PTPRQ: variants seen among roughly 807,000 people sequenced by gnomAD.
PTPRQ encodes the protein protein tyrosine phosphatase receptor type Q, also known as phosphatidylinositol phosphatase PTPRQ.
PTPRQ carries 199 observed loss-of-function variants against 246.0 expected under a neutral mutation model. The observed-to-expected ratio is 0.81, with a 90% CI of 0.72 to 0.91. The LOEUF (loss-of-function observed/expected upper bound fraction) is 0.91. Among genes scored for constraint, PTPRQ ranks in the 40% least tolerant of loss-of-function variants. The pLI is 0.00. For synonymous variants in PTPRQ, 869 were observed against 853.2 expected, an observed-to-expected ratio of 1.02 and a Z score of -0.32; for missense variants, 2,624 against 2,528.4, an observed-to-expected ratio of 1.04 and a Z score of -0.81.
At chr12:80,461,044 T>A in intron 6 of PTPRQ, 142 bp downstream of exon 6, 1 of 386,568 alleles carries the variant, frequency 2.6e-6, no homozygotes, top group Non-Finnish European at 4.6e-6. Context: ...CCATCAAGGG[T>A]TTCTTCGAAT....
intron 3 of PTPRQ, among the ~76,000 whole-genome samples, chr12:80,455,598 T>G (rs993956312): frequency 2.0e-5 from 3 of 151,104 alleles, no homozygotes; most frequent in Non-Finnish European, 3.0e-5. Flanking sequence ...ATAGTTGTTT[T>G]TTTTTTTTTT....
intron 3 of PTPRQ, among the ~76,000 whole-genome samples, chr12:80,456,727 C>A (rs1592525625): frequency 6.6e-6 from 1 of 152,080 alleles, no homozygotes; most frequent in East Asian, 1.9e-4. Context: ...TTAGCCATTG[C>A]AGAATTCCAA....
At chr12:80,600,396 A>G in intron 26 of PTPRQ, among the ~76,000 whole-genome samples, 1 of 151,794 alleles carries the variant, frequency 6.6e-6, no homozygotes, top group East Asian at 1.9e-4. Context: ...CTGAGCTGGC[A>G]TACAGACACA....
chr12:80,513,936 T>C (rs1895200803), intron 17 of PTPRQ, among the ~76,000 whole-genome samples: 1 of 152,168 alleles, frequency 6.6e-6, no homozygotes, highest in South Asian at 2.1e-4. Flanking sequence ...CACCCTGCTG[T>C]AGCTCTGGAT....
intron 35 of PTPRQ, among the ~76,000 whole-genome samples, chr12:80,645,191 A>T (rs1190589270): frequency 3.9e-5 from 6 of 152,082 alleles, no homozygotes; most frequent in African/African-American, 1.4e-4. Context: ...TTTGTTTATC[A>T]CTTGAGTAGG....
chr12:80,477,835 G>A (rs1177443872), intron 8 of PTPRQ, among the ~76,000 whole-genome samples: 1 of 152,176 alleles, frequency 6.6e-6, no homozygotes, highest in Non-Finnish European at 1.5e-5. Flanking sequence ...CTTAAAAAAC[G>A]GCGCACCACG....
chr12:80,559,509 C>G (rs560817123), intron 25 of PTPRQ, among the ~76,000 whole-genome samples: 1 of 152,256 alleles, frequency 6.6e-6, no homozygotes, highest in East Asian at 1.9e-4. Flanking sequence ...CATTGAATTG[C>G]TTTTTCTTTT....
chr12:80,603,372 C>T (rs1004434826), intron 26 of PTPRQ, among the ~76,000 whole-genome samples: 80 of 151,730 alleles, frequency 5.3e-4, no homozygotes, highest in Non-Finnish European at 5.2e-4. Context: ...AAAACCTCAG[C>T]GGAATCCCAC....
At chr12:80,568,822 A>G (rs542483177) in intron 25 of PTPRQ, among the ~76,000 whole-genome samples, 52 of 152,360 alleles carry the variant, frequency 3.4e-4, no homozygotes, top group African/African-American at 1.2e-3. Flanking sequence ...GATGTCACTG[A>G]TTATAATGTG....
At chr12:80,485,888 T>G (rs1349251812) in intron 9 of PTPRQ, among the ~76,000 whole-genome samples, 1 of 152,128 alleles carries the variant, frequency 6.6e-6, no homozygotes, top group African/African-American at 2.4e-5. Context: ...GGCTTTTTTT[T>G]TGTGATTCTG....
intron 16 of PTPRQ, among the ~76,000 whole-genome samples, chr12:80,507,206 A>G (rs1298734068): frequency 7.3e-6 from 1 of 136,090 alleles, no homozygotes; most frequent in Non-Finnish European, 1.6e-5. Flanking sequence ...CCCTAACCCA[A>G]ATAAAGTCAA....
intron 26 of PTPRQ, among the ~76,000 whole-genome samples, chr12:80,592,185 A>G (rs1897822103): frequency 2.6e-5 from 4 of 152,170 alleles, no homozygotes; most frequent in Admixed American, 2.6e-4. Context: ...GAAAAGATTT[A>G]TATTTTTCAA....
intron 17 of PTPRQ, among the ~76,000 whole-genome samples, chr12:80,530,079 G>A (rs912511127): frequency 1.8e-4 from 28 of 151,978 alleles, no homozygotes; most frequent in African/African-American, 6.0e-4. Context: ...TGTCCTGTAG[G>A]CCTCCTCTCT....
intron 15 of PTPRQ, 33 bp downstream of exon 15, chr12:80,506,239 AT>A (rs1263910282): frequency 7.0e-7 from 1 of 1,436,084 alleles, no homozygotes; most frequent in Non-Finnish European, 9.2e-7. Context: ...GGATATTTGC[AT>A]TTATAATGAC....
intron 35 of PTPRQ, among the ~76,000 whole-genome samples, chr12:80,637,493 C>T (rs11114541): frequency 0.14 from 21,976 of 152,070 alleles, 1,902 homozygotes; most frequent in African/African-American, 0.22. Context: ...ATATTAGTTT[C>T]CATGCTTTTC....
intron 19 of PTPRQ, among the ~76,000 whole-genome samples, chr12:80,537,439 C>G (rs899329283): frequency 6.6e-6 from 1 of 152,110 alleles, no homozygotes; most frequent in Non-Finnish European, 1.5e-5. Context: ...TTCCCTTATG[C>G]CATGACAAGC....
At chr12:80,661,595 G>A (rs1396789888) in intron 39 of PTPRQ, among the ~76,000 whole-genome samples, 2 of 151,284 alleles carry the variant, frequency 1.3e-5, no homozygotes, top group Non-Finnish European at 3.0e-5. Context: ...CACCATCAAT[G>A]CCCAACACAT....
intron 26 of PTPRQ, among the ~76,000 whole-genome samples, chr12:80,603,509 C>A (rs1420238572): frequency 6.6e-6 from 1 of 151,572 alleles, no homozygotes; most frequent in Non-Finnish European, 1.5e-5. Flanking sequence ...TGTGATAGTT[C>A]TGTTTCTTGG....
intron 39 of PTPRQ, among the ~76,000 whole-genome samples, chr12:80,667,243 C>T (rs1016530264): frequency 6.6e-6 from 1 of 151,846 alleles, no homozygotes; most frequent in Non-Finnish European, 1.5e-5. Flanking sequence ...TTCTTTTCCC[C>T]CGAATCCTGC....
Sources: allele counts gnomAD v4.1 joint callset (sites outside exome capture counted in the v4.1 genomes callset), GRCh38; gene constraint gnomAD v4.1.1; transcripts MANE v1.5; gene names NCBI Gene and HGNC (gene_info 2026-07-23, HGNC 2026-07-21).